NELFA: variants seen among roughly 807,000 people sequenced by gnomAD.
The protein encoded by NELFA is negative elongation factor complex member A, also known as negative elongation factor A.
In NELFA, 35 loss-of-function variants were observed where a neutral mutation model predicts 51.8. The observed-to-expected ratio is 0.68, with a 90% confidence interval of 0.52 to 0.90. The LOEUF is 0.90. NELFA is among the 40% of genes least tolerant of loss of function. The pLI is 0.00. For synonymous variants in NELFA, 417 were observed against 338.4 expected, an observed-to-expected ratio of 1.23 and a Z score of -2.55; for missense variants, 658 against 746.4, an observed-to-expected ratio of 0.88 and a Z score of 1.38.
At chr4:2,003,282 A>G (rs1728623979) in intron 1 of NELFA, among the ~76,000 whole-genome samples, 1 of 152,198 alleles carries the variant, frequency 6.6e-6, no homozygotes, top group Non-Finnish European at 1.5e-5. Flanking sequence ...TTTTGCTGGG[A>G]GTGTAAATTA....
At chr4:2,000,201 T>G (rs1321677797) in intron 1 of NELFA, among the ~76,000 whole-genome samples, 1 of 152,008 alleles carries the variant, frequency 6.6e-6, no homozygotes, top group East Asian at 1.9e-4. Context: ...CCCAGAGATG[T>G]AATTAACATC....
intron 1 of NELFA, 103 bp from the exon 2 acceptor site, chr4:1,991,818 G>C: frequency 7.9e-7 from 1 of 1,259,390 alleles, no homozygotes; most frequent in East Asian, 2.4e-5. Context: ...CGGGCTCTCT[G>C]GCAGTTGCCC....
rs1210352975 is a variant in NELFA, at chr4:1,991,536, C to A, written c.382+8G>T. The A allele has an allele frequency of 1.2e-6, 2 of 1,613,598 alleles. No homozygotes were observed. Among genetic ancestry groups the A allele is most frequent in the African/African-American group, 2.7e-5 (2 of 74,928 alleles). Reference sequence around the variant, plus strand: ...CCACCCAACATGAATTAAAGCAGCACAACATACCCTTTTCTCTAAGTTCTC... The same window carrying A: ...CCACCCAACATGAATTAAAGCAGCAAAACATACCCTTTTCTCTAAGTTCTC... On this transcript the variant is annotated splice_region_variant and intron_variant, in intron 2 of 10. Transcript: ENST00000382882.
At chr4:1,992,519 G>T (rs1385644946) in intron 1 of NELFA, 1 of 415,084 alleles carries the variant, frequency 2.4e-6, no homozygotes, top group Non-Finnish European at 4.9e-6. Flanking sequence ...GCGCCCACTG[G>T]GCTGCTCACA....
At chr4:2,008,012 T>A (rs998124803) in intron 1 of NELFA, 4 of 456,234 alleles carry the variant, frequency 8.8e-6, no homozygotes, top group African/African-American at 8.0e-5. Context: ...TAGAAAAGAG[T>A]AAAACGGACA....
chr4:1,992,016 G>C (rs920513271), intron 1 of NELFA: 8 of 313,042 alleles, frequency 2.6e-5, no homozygotes, highest in Non-Finnish European at 4.1e-5. Flanking sequence ...GTGCGCAGAT[G>C]CAAGAAAACC....
intron 1 of NELFA, among the ~76,000 whole-genome samples, chr4:1,993,607 A>G (rs1398743920): frequency 6.6e-6 from 1 of 151,528 alleles, no homozygotes; most frequent in African/African-American, 2.4e-5. Context: ...AAGAAAGAAA[A>G]AGAAAAGAAA....
Position 1,987,965 on chromosome 4 carries a change from G to A in NELFA, c.587C>T (p.Pro196Leu). The change falls in exon 4 of 11, where the codon CCC becomes CTC. Residue 196 changes from proline to leucine, a missense_variant. By Grantham distance (98) the Pro-to-Leu change is moderately conservative (BLOSUM62 -3). Transcript: ENST00000382882. ...CAGCCCCCGGCCCTTGGCGTGGAAG[G>A]GCACCCCGGCGCTCCGCTTCAACTG... Reference protein sequence around the residue: ...AQQLKRSAGVPFHAKGRGLLR... With the variant: ...AQQLKRSAGVLFHAKGRGLLR... 1 of 1,611,380 alleles carries A rather than the reference G, an allele frequency of 6.2e-7. No individual in the cohort carries two copies. The highest frequency in any genetic ancestry group is 8.5e-7 in the Non-Finnish European group (1 of 1,179,728).
rs1399477221 is a variant in NELFA, at chr4:1,989,608, G to C, written c.544+100C>G. The C allele has an allele frequency of 3.7e-6, 5 of 1,353,158 alleles. No individual in the cohort carries two copies. Among genetic ancestry groups the C allele is most frequent in the Non-Finnish European group, 4.0e-6 (4 of 994,922 alleles). 83.8% of individuals were successfully genotyped at this position (1,353,158 alleles called of 1,614,324 possible). On this transcript the variant is annotated intron_variant, in intron 3 of 10. Coordinates refer to ENST00000382882, the MANE Select transcript of NELFA (RefSeq NM_005663.5). This position sits in a 1 kb window ranked among gnomAD's most constrained non-coding sequence, Gnocchi z 4.8. ...GGTGTGAGCCACCATGCCTGGCCCA[G>C]AACGCCACCTTGAAGGGGCAGTCTT...
At chr4:2,008,394 G>A (rs906118200) in intron 1 of NELFA, among the ~76,000 whole-genome samples, 1 of 151,378 alleles carries the variant, frequency 6.6e-6, no homozygotes, top group Non-Finnish European at 1.5e-5. Context: ...GAGGATCCCA[G>A]GGGAGGTGAA....
intron 7 of NELFA, 122 bp downstream of exon 7, chr4:1,985,654 C>G (rs1273356326): frequency 4.2e-6 from 3 of 719,594 alleles, no homozygotes; most frequent in Non-Finnish European, 6.9e-6. Context: ...TACATAAATA[C>G]AGACTGCACA....
At position 1,986,317 on chromosome 4, in the gene NELFA, G is replaced by A. The variant is rs1728093687; in HGVS notation, c.720C>T (p.Pro240=). The stretch of plus-strand genomic sequence containing the variant: ...GCAGCAGCGTCCTGGAAGGCGGGAT[G>A]GGGGTCCGGTTCCCTGTGGGGCTGA... The part of the protein sequence containing the change: ...SVFSPTGNRT[P]IPPSRTLLRK... Residue 240 remains proline, a synonymous_variant, in exon 5 of 11, where the codon CCC becomes CCT. Transcript: ENST00000382882. The A allele has an allele frequency of 6.3e-7, 1 of 1,594,778 alleles. No homozygotes were observed. The highest frequency in any genetic ancestry group is 8.5e-7 in the Non-Finnish European group (1 of 1,170,802).
intron 1 of NELFA, among the ~76,000 whole-genome samples, chr4:1,995,052 C>A (rs188718446): frequency 1.6e-4 from 24 of 152,302 alleles, no homozygotes; most frequent in Admixed American, 1.5e-3. Context: ...CTACATAAGA[C>A]TAACATCTGA....
At position 1,986,332 on chromosome 4, in the gene NELFA, T is replaced by C. The variant is rs1452702381; in HGVS notation, c.705A>G (p.Thr235=). The part of the protein sequence containing the change: ...SPTAPSVFSP[T]GNRTPIPPSR... ...AAGGCGGGATGGGGGTCCGGTTCCCTGTGGGGCTGAAGACGCTGGGCGCCG... is the reference window on the plus strand; with the variant it reads ...AAGGCGGGATGGGGGTCCGGTTCCCCGTGGGGCTGAAGACGCTGGGCGCCG... The change falls in exon 5 of 11, where the codon ACA becomes ACG. Residue 235 remains threonine (T), a synonymous_variant. Coordinates refer to ENST00000382882, the MANE Select transcript of NELFA (RefSeq NM_005663.5). The C allele has an allele frequency of 6.2e-7, 1 of 1,601,136 alleles. No individual in the cohort carries two copies. Among genetic ancestry groups the C allele is most frequent in the South Asian group, 1.1e-5 (1 of 88,880 alleles).
intron 4 of NELFA, among the ~76,000 whole-genome samples, chr4:1,986,843 G>A (rs926241687): frequency 6.6e-6 from 1 of 152,152 alleles, no homozygotes; most frequent in African/African-American, 2.4e-5. Context: ...ACCCTCCAAG[G>A]CGTGCGTGGC....
At position 1,989,585 on chromosome 4, in the gene NELFA, T is replaced by C; in HGVS notation, c.544+123A>G. ...CCACCTGCCCCAGCCTCCCAACAGGTGTGAGCCACCATGCCTGGCCCAGAA... is the reference window on the plus strand; with the variant it reads ...CCACCTGCCCCAGCCTCCCAACAGGCGTGAGCCACCATGCCTGGCCCAGAA... On this transcript the variant is annotated intron_variant, in intron 3 of 10. Coordinates refer to ENST00000382882, the MANE Select transcript of NELFA (RefSeq NM_005663.5). The surrounding 1 kb of genome is among the most constrained non-coding windows in gnomAD (Gnocchi z 4.8). 3 of 1,083,398 alleles carry C rather than the reference T, an allele frequency of 2.8e-6. No individual in the cohort carries two copies. The highest frequency in any genetic ancestry group is 4.0e-6 in the Non-Finnish European group (3 of 756,942). 67.1% of individuals were successfully genotyped at this position (1,083,398 alleles called of 1,614,324 possible). A position where few individuals can be genotyped will look rare whatever the true frequency, so the allele number is the denominator to read the frequency against.
At chr4:1,985,023 C>T (rs376745306) in intron 7 of NELFA, 104 bp from the exon 8 acceptor site, 16 of 805,914 alleles carry the variant, frequency 2.0e-5, no homozygotes, top group African/African-American at 7.0e-5. Flanking sequence ...TGTGGCCCCC[C>T]GAGCTAGAGC....
chr4:1,996,475 T>C (rs1332391193), intron 1 of NELFA, among the ~76,000 whole-genome samples: 1 of 152,076 alleles, frequency 6.6e-6, no homozygotes, highest in Non-Finnish European at 1.5e-5. Context: ...ACAAAGTAAG[T>C]ACAAAGACAG....
rs780414287 is a variant in NELFA, at chr4:1,983,660, C to T, written c.1338G>A (p.Lys446=). 1.2e-6 allele frequency: 2 copies of T among 1,614,112 alleles called. No individual in the cohort carries two copies. Among genetic ancestry groups the T allele is most frequent in the Non-Finnish European group, 1.7e-6 (2 of 1,180,008 alleles). ...CGGGCCGCGTGACTTTGTTGGCCGT[C>T]TTGAACATCTCCTGGGCAGCGAACA... The part of the protein sequence containing the change: ...EQMFAAQEMF[K]TANKVTRPEK... Residue 446 remains lysine (K), a synonymous_variant, in exon 10 of 11, where the codon AAG becomes AAA. Transcript: ENST00000382882.
Sources: allele counts gnomAD v4.1 joint callset (sites outside exome capture counted in the v4.1 genomes callset), GRCh38; gene constraint gnomAD v4.1.1; non-coding constraint Gnocchi (gnomAD v3.1); transcripts MANE v1.5; gene names NCBI Gene and HGNC (gene_info 2026-07-23, HGNC 2026-07-21).